The following PURB variants were observed in gnomAD, a reference collection of about 807,000 sequenced individuals.
The protein encoded by PURB is transcriptional regulator protein Pur-beta.
A neutral mutation model predicts 21.1 loss-of-function variants in PURB; 11 were observed. That is an observed-to-expected ratio of 0.52 (90% CI 0.33 to 0.86). The LOEUF (loss-of-function observed/expected upper bound fraction) is 0.86, where lower values mean the gene tolerates loss of function less well. PURB is among the 40% of genes least tolerant of loss of function. The pLI is 0.02. For missense variants in PURB, 357 were observed against 456.5 expected (o/e 0.78, Z 1.99); for synonymous variants, 246 against 210.8 (o/e 1.17, Z -1.45).
rs1793923929 is a variant in PURB at position 44,884,371 on chromosome 7, T to TGGTGGTTG, written c.*31_*38dup. On this transcript the variant is annotated 3_prime_UTR_variant, in exon 1 of 1. Coordinates refer to ENST00000395699, the MANE Select transcript of PURB (RefSeq NM_033224.5). ...AAAGGGAATTCTCTAGCCAAGGGGA[T>TGGTGGTTG]GGTGGTTGGGTGGAGGCCTGTAGGG... 1.3e-6 allele frequency: 2 copies of TGGTGGTTG among 1,595,962 alleles called. No individual in the cohort carries two copies. Among genetic ancestry groups the TGGTGGTTG allele is most frequent in the Non-Finnish European group, 1.7e-6 (2 of 1,171,438 alleles).
In PURB at chr7:44,879,448, CCCCAGCCCCA is replaced by C. The variant is rs1168410781; in HGVS notation, c.*4952_*4961del. The stretch of plus-strand genomic sequence containing the variant: ...TTTTCTACAAACTATCTCCCGCCCT[CCCCAGCCCCA>C]CCCACACACCCATTATCCAGTATAC... On this transcript the variant is annotated 3_prime_UTR_variant, in exon 1 of 1. Coordinates refer to ENST00000395699, the MANE Select transcript of PURB (RefSeq NM_033224.5). 7.1e-6 allele frequency: 1 copy of C among 141,244 alleles called. No homozygotes were observed. The highest frequency in any genetic ancestry group is 7.1e-5 in the Admixed American group (1 of 14,084). 8.7% of individuals were successfully genotyped at this position (141,244 alleles called of 1,614,324 possible).
rs1467602406 is a variant in PURB at position 44,882,632 on chromosome 7, GAAT to G, written c.*1775_*1777del. 2 of 151,982 alleles carry G rather than the reference GAAT, an allele frequency of 1.3e-5. No homozygotes were observed. Among genetic ancestry groups the G allele is most frequent in the African/African-American group, 2.4e-5 (1 of 41,364 alleles). The allele number at this position is 151,982 out of a possible 1,614,324, so 9.4% of individuals were successfully genotyped here. A position where few individuals can be genotyped will look rare whatever the true frequency, so the allele number is the denominator to read the frequency against. On this transcript the variant is annotated 3_prime_UTR_variant, in exon 1 of 1. Coordinates refer to ENST00000395699, the MANE Select transcript of PURB (RefSeq NM_033224.5). ...TAAATACAAAAAGATTGTATAGATT[GAAT>G]AATACCAAAATAAGATAATAAAAAG...
chr7:44,885,149 C>A lies in PURB; in HGVS notation c.200G>T (p.Gly67Val). 1 of 1,571,634 alleles carries A rather than the reference C, an allele frequency of 6.4e-7. No individual in the cohort carries two copies. The part of the protein sequence containing the change: ...RFLKIAEVGA[G>V]GSKSRLTLSM... ...CAGCGTGAGGCGGCTCTTGGAACCG[C>A]CCGCGCCCACCTCGGCGATCTTGAG... Residue 67 changes from glycine to valine, a missense_variant, in exon 1 of 1, where the codon GGC becomes GTC. Gly to Val is a moderately radical substitution (Grantham distance 109). Coordinates refer to ENST00000395699, the MANE Select transcript of PURB (RefSeq NM_033224.5).
In PURB at chr7:44,885,410, C is replaced by CGT. The variant is rs1227168455; in HGVS notation, c.-63_-62insAC. Reference sequence around the variant, plus strand: ...GCTCGCGCCCCCGCCCTCCGGCTCGCGCTCCGGGGCCCCCCAGCCTCGCCC... The same window carrying CGT: ...GCTCGCGCCCCCGCCCTCCGGCTCGCGTGCTCCGGGGCCCCCCAGCCTCGCCC... On this transcript the variant is annotated 5_prime_UTR_variant, in exon 1 of 1. Transcript: ENST00000395699. 11 of 623,818 alleles carry CGT rather than the reference C, an allele frequency of 1.8e-5. No homozygotes were observed. The East Asian group carries it at 9.0e-4, about 51-fold the overall frequency. The allele number at this position is 623,818 out of a possible 1,614,324, so 38.6% of individuals were successfully genotyped here.
Position 44,884,152 on chromosome 7 carries a change from A to T in PURB, c.*258T>A. The T allele has an allele frequency of 1.3e-6, 1 of 758,902 alleles. No individual in the cohort carries two copies. The highest frequency in any genetic ancestry group is 2.0e-6 in the Non-Finnish European group (1 of 499,930). 47.0% of individuals were successfully genotyped at this position (758,902 alleles called of 1,614,324 possible). On this transcript the variant is annotated 3_prime_UTR_variant, in exon 1 of 1. Transcript: ENST00000395699. ...CAGTTGAGAAACAACAGAAGCTGAG[A>T]CAATTTTACGCAGGTGAGGAGATGC...
chr7:44,884,895 G>A lies in PURB; in HGVS notation c.454C>T (p.Arg152Cys). The change falls in exon 1 of 1, where the codon CGC (arginine) becomes TGC (cysteine). Residue 152 changes from arginine to cysteine, a missense_variant. Physicochemically the swap from Arg to Cys is radical, Grantham distance 180. Coordinates refer to ENST00000395699, the MANE Select transcript of PURB (RefSeq NM_033224.5). ...RFLRIRQTVN[R>C]GGGGFGAGPG... is the part of the protein sequence containing the mutation. Reference sequence around the variant, plus strand: ...CCCGCGCCGAAGCCGCCACCGCCGCGGTTGACCGTTTGGCGGATGCGCAGG... The same window carrying A: ...CCCGCGCCGAAGCCGCCACCGCCGCAGTTGACCGTTTGGCGGATGCGCAGG... 1 of 1,570,092 alleles carries A rather than the reference G, an allele frequency of 6.4e-7. No individual in the cohort carries two copies. The highest frequency in any genetic ancestry group is 8.6e-7 in the Non-Finnish European group (1 of 1,160,834).
At position 44,876,982 on chromosome 7, in the gene PURB, G is replaced by T. The variant is rs1336343622; in HGVS notation, c.*7428C>A. ...GCATAAGCATGTGGGTATTTACACAGAGATTGAAGACATCCCCAAAAAACA... is the reference window on the plus strand; with the variant it reads ...GCATAAGCATGTGGGTATTTACACATAGATTGAAGACATCCCCAAAAAACA... On this transcript the variant is annotated 3_prime_UTR_variant, in exon 1 of 1. Coordinates refer to ENST00000395699, the MANE Select transcript of PURB (RefSeq NM_033224.5). 1 of 152,612 alleles carries T rather than the reference G, an allele frequency of 6.6e-6. No individual in the cohort carries two copies. Among genetic ancestry groups the T allele is most frequent in the East Asian group, 1.9e-4 (1 of 5,200 alleles). 9.5% of individuals were successfully genotyped at this position (152,612 alleles called of 1,614,324 possible).
Position 44,885,141 on chromosome 7 carries a change from T to C in PURB, c.208A>G (p.Lys70Glu). The change falls in exon 1 of 1, where the codon AAG becomes GAG. Residue 70 changes from lysine to glutamate, a missense_variant. Lys to Glu is a moderately conservative substitution (Grantham distance 56). Transcript: ENST00000395699. The stretch of plus-strand genomic sequence containing the variant: ...GCCATGGACAGCGTGAGGCGGCTCT[T>C]GGAACCGCCCGCGCCCACCTCGGCG... ...KIAEVGAGGS[K>E]SRLTLSMAVA... 6.4e-7 allele frequency: 1 copy of C among 1,570,070 alleles called. No individual in the cohort carries two copies.
In PURB at chr7:44,885,438, C is replaced by T; in HGVS notation, c.-90G>A. 8.5e-6 allele frequency: 3 copies of T among 352,422 alleles called. No homozygotes were observed. Among genetic ancestry groups the T allele is most frequent in the Non-Finnish European group, 1.2e-5 (3 of 251,660 alleles). 21.8% of individuals were successfully genotyped at this position (352,422 alleles called of 1,614,324 possible). A position where few individuals can be genotyped will look rare whatever the true frequency, so the allele number is the denominator to read the frequency against. Reference sequence around the variant, plus strand: ...TCCGGGGCCCCCCAGCCTCGCCCGCCCGGCTCGCTCACGCGCTCCCGCCGC... The same window carrying T: ...TCCGGGGCCCCCCAGCCTCGCCCGCTCGGCTCGCTCACGCGCTCCCGCCGC... On this transcript the variant is annotated 5_prime_UTR_variant, in exon 1 of 1. Transcript: ENST00000395699.
Position 44,884,584 on chromosome 7 carries a change from G to A in PURB, c.765C>T (p.Arg255=). The change falls in exon 1 of 1, where the codon CGC becomes CGT. Residue 255 remains arginine, a synonymous_variant. Coordinates refer to ENST00000395699, the MANE Select transcript of PURB (RefSeq NM_033224.5). Reference sequence around the variant, plus strand: ...CTTTGAAGGGTACGGTGATGGCATTGCGGTAGGACGGCTTCACCTCGCTCA... The same window carrying A: ...CTTTGAAGGGTACGGTGATGGCATTACGGTAGGACGGCTTCACCTCGCTCA... ...LRVSEVKPSY[R]NAITVPFKAW... 1 of 1,614,206 alleles carries A rather than the reference G, an allele frequency of 6.2e-7. No homozygotes were observed. The highest frequency in any genetic ancestry group is 2.2e-5 in the East Asian group (1 of 44,874).
At position 44,882,235 on chromosome 7, in the gene PURB, T is replaced by C. The variant is rs1423557569; in HGVS notation, c.*2175A>G. On this transcript the variant is annotated 3_prime_UTR_variant, in exon 1 of 1. Coordinates refer to ENST00000395699, the MANE Select transcript of PURB (RefSeq NM_033224.5). The stretch of plus-strand genomic sequence containing the variant: ...TAGACACTCAAAACACGTAGGTAAA[T>C]ACAGCAGGACATTATTGAAAAACAG... 1 of 152,576 alleles carries C rather than the reference T, an allele frequency of 6.6e-6. No individual in the cohort carries two copies. The highest frequency in any genetic ancestry group is 1.5e-5 in the Non-Finnish European group (1 of 68,036). 9.5% of individuals were successfully genotyped at this position (152,576 alleles called of 1,614,324 possible).
rs555672919 is a variant in PURB, at chr7:44,876,384, G to T, written c.*8026C>A. The T allele has an allele frequency of 3.1e-4, 48 of 152,652 alleles. No individual in the cohort carries two copies. Among genetic ancestry groups the T allele is most frequent in the African/African-American group, 1.1e-3 (44 of 41,528 alleles). The allele number at this position is 152,652 out of a possible 1,614,324, so 9.5% of individuals were successfully genotyped here. A position where few individuals can be genotyped will look rare whatever the true frequency, so the allele number is the denominator to read the frequency against. On this transcript the variant is annotated 3_prime_UTR_variant, in exon 1 of 1. Coordinates refer to ENST00000395699, the MANE Select transcript of PURB (RefSeq NM_033224.5). ...AAAACTCCATTTGCAAAAGTCTATTGTAAGGAGTGCACACCAGCAGGAAGG... is the reference window on the plus strand; with the variant it reads ...AAAACTCCATTTGCAAAAGTCTATTTTAAGGAGTGCACACCAGCAGGAAGG...
In PURB at chr7:44,877,845, AGGGATGACACATGT is replaced by A. The variant is rs1388790285; in HGVS notation, c.*6551_*6564del. 2 of 152,130 alleles carry A rather than the reference AGGGATGACACATGT, an allele frequency of 1.3e-5. No homozygotes were observed. The highest frequency in any genetic ancestry group is 4.8e-5 in the African/African-American group (2 of 41,414). 9.4% of individuals were successfully genotyped at this position (152,130 alleles called of 1,614,324 possible). A position where few individuals can be genotyped will look rare whatever the true frequency, so the allele number is the denominator to read the frequency against. On this transcript the variant is annotated 3_prime_UTR_variant, in exon 1 of 1. Transcript: ENST00000395699. ...AAGAATCCAGAGAGCTTTTGTACAC[AGGGATGACACATGT>A]GGGCTGGAACAAGGGTTTATGTCTA...
Position 44,884,195 on chromosome 7 carries a change from G to T in PURB, c.*215C>A. Reference sequence around the variant, plus strand: ...GGAGATGCTGTTTTCCTCTTTGCAGGTTGCTGTCAGTTCCTTGGAACTTGA... The same window carrying T: ...GGAGATGCTGTTTTCCTCTTTGCAGTTTGCTGTCAGTTCCTTGGAACTTGA... On this transcript the variant is annotated 3_prime_UTR_variant, in exon 1 of 1. Transcript: ENST00000395699. 1 of 1,120,434 alleles carries T rather than the reference G, an allele frequency of 8.9e-7. No individual in the cohort carries two copies. Among genetic ancestry groups the T allele is most frequent in the Non-Finnish European group, 1.2e-6 (1 of 817,924 alleles). 69.4% of individuals were successfully genotyped at this position (1,120,434 alleles called of 1,614,324 possible).
rs1278685469 is a variant in PURB at position 44,883,470 on chromosome 7, T to C, written c.*940A>G. 6.6e-6 allele frequency: 1 copy of C among 152,640 alleles called. No homozygotes were observed. The highest frequency in any genetic ancestry group is 1.5e-5 in the Non-Finnish European group (1 of 68,048). The allele number at this position is 152,640 out of a possible 1,614,324, so 9.5% of individuals were successfully genotyped here. On this transcript the variant is annotated 3_prime_UTR_variant, in exon 1 of 1. Coordinates refer to ENST00000395699, the MANE Select transcript of PURB (RefSeq NM_033224.5). ...GCTCTCATTCATACCAAAGCATTTC[T>C]TGGTAATGACCTCCATATTTAGAGA...
In PURB at chr7:44,884,725, G is replaced by A; in HGVS notation, c.624C>T (p.Ala208=). The A allele has an allele frequency of 3.1e-6, 5 of 1,612,536 alleles. No homozygotes were observed. Among genetic ancestry groups the A allele is most frequent in the Non-Finnish European group, 4.2e-6 (5 of 1,179,716 alleles). The change falls in exon 1 of 1, where the codon GCC becomes GCT. Residue 208 remains alanine, a synonymous_variant. Transcript: ENST00000395699. ...CATACAGGCCGCCCCCTGGGCCCCC[G>A]GCGCCGCCTCCCGGGCCGCCTGCCA... The part of the protein sequence containing the change: ...DELAGGPGGG[A]GGPGGGLYGE...
At position 44,881,363 on chromosome 7, in the gene PURB, T is replaced by C. The variant is rs1010848084; in HGVS notation, c.*3047A>G. 1 of 152,530 alleles carries C rather than the reference T, an allele frequency of 6.6e-6. No homozygotes were observed. 9.4% of individuals were successfully genotyped at this position (152,530 alleles called of 1,614,324 possible). A position where few individuals can be genotyped will look rare whatever the true frequency, so the allele number is the denominator to read the frequency against. ...ATTTCCTTTAATAAGCTATTAATAATATTTACGAATGAATCTGTGTTTTGC... is the reference window on the plus strand; with the variant it reads ...ATTTCCTTTAATAAGCTATTAATAACATTTACGAATGAATCTGTGTTTTGC... On this transcript the variant is annotated 3_prime_UTR_variant, in exon 1 of 1. Coordinates refer to ENST00000395699, the MANE Select transcript of PURB (RefSeq NM_033224.5).
Position 44,879,498 on chromosome 7 carries a change from A to G in PURB, c.*4912T>C, listed in dbSNP as rs1221041967. Reference sequence around the variant, plus strand: ...ATCCAGTATACTGAATGGGAGTTGTAACTCTTTAGGAAGACAGCTAATTGA... The same window carrying G: ...ATCCAGTATACTGAATGGGAGTTGTGACTCTTTAGGAAGACAGCTAATTGA... On this transcript the variant is annotated 3_prime_UTR_variant, in exon 1 of 1. Transcript: ENST00000395699. 2.4e-4 allele frequency: 30 copies of G among 124,752 alleles called. No individual in the cohort carries two copies. The highest frequency in any genetic ancestry group is 9.1e-4 in the African/African-American group (30 of 32,808). 7.7% of individuals were successfully genotyped at this position (124,752 alleles called of 1,614,324 possible).
chr7:44,885,075 C>A lies in PURB; in HGVS notation c.274G>T (p.Glu92Ter). 1 of 1,576,630 alleles carries A rather than the reference C, an allele frequency of 6.3e-7. No homozygotes were observed. The highest frequency in any genetic ancestry group is 8.6e-7 in the Non-Finnish European group (1 of 1,165,982). ...CTAGGGCCCAGCTGCGCGTAGTGTTCTATGAAGTCGCCCAGCGAGTCGCGG... is the reference window on the plus strand; with the variant it reads ...CTAGGGCCCAGCTGCGCGTAGTGTTATATGAAGTCGCCCAGCGAGTCGCGG... ...EFRDSLGDFI[E>*]HYAQLGPSSP... Residue 92 changes from glutamate (E) to a stop codon, truncating the protein, a stop_gained, in exon 1 of 1, where the codon GAA (glutamate) becomes TAA (stop). Transcript: ENST00000395699. LOFTEE classifies it high-confidence loss of function.
Sources: allele counts gnomAD v4.1 joint callset, GRCh38; gene constraint gnomAD v4.1.1; transcripts MANE v1.5; gene names NCBI Gene and HGNC (gene_info 2026-07-23, HGNC 2026-07-21).